SGCD: variants seen among roughly 807,000 people sequenced by gnomAD.
The protein encoded by SGCD is sarcoglycan delta.
In SGCD, 18 loss-of-function variants were observed where a neutral mutation model predicts 36.6. That is an observed-to-expected ratio of 0.49 (90% CI 0.34 to 0.73). SGCD has a LOEUF of 0.73. Among genes scored for constraint, SGCD ranks in the 30% least tolerant of loss-of-function variants. The pLI is 0.01. For synonymous variants in SGCD, 133 were observed against 130.6 expected (o/e 1.02, Z -0.12); for missense variants, 387 against 346.7 (o/e 1.12, Z -0.92).
intron 3 of SGCD, among the ~76,000 whole-genome samples, chr5:156,208,840 C>G (rs1561565952): frequency 1.3e-5 from 2 of 152,170 alleles, no homozygotes; most frequent in Non-Finnish European, 2.9e-5. Flanking sequence ...CATCACTTTG[C>G]ACAACTATCC....
intron 1 of SGCD, among the ~76,000 whole-genome samples, chr5:155,922,750 G>A (rs1284670471): frequency 1.3e-5 from 2 of 152,104 alleles, no homozygotes; most frequent in African/African-American, 4.8e-5. Context: ...GTATTTTGGT[G>A]CAAAAGCTTG....
intron 6 of SGCD, among the ~76,000 whole-genome samples, chr5:156,615,460 C>T (rs1390335571): frequency 2.0e-5 from 3 of 152,036 alleles, no homozygotes; most frequent in African/African-American, 7.3e-5. Flanking sequence ...TATAGAAATT[C>T]AAATATGGTT....
chr5:156,652,333 G>A (rs4704806), intron 7 of SGCD, among the ~76,000 whole-genome samples: 135,437 of 151,146 alleles, frequency 0.9, 60,546 homozygotes, highest in East Asian at 0.99. Context: ...GAAAAAAAAA[G>A]TTAATAGCCA....
chr5:156,607,741 C>T (rs534143420), intron 6 of SGCD, among the ~76,000 whole-genome samples: 2 of 152,084 alleles, frequency 1.3e-5, no homozygotes, highest in African/African-American at 4.8e-5. Context: ...TTGGTCTATT[C>T]AGAGATTCAA....
chr5:156,692,722 A>G (rs988758922), intron 7 of SGCD, among the ~76,000 whole-genome samples: 6 of 152,164 alleles, frequency 3.9e-5, no homozygotes, highest in Non-Finnish European at 7.3e-5. Context: ...TAAATTGCTA[A>G]GTGTTTTTTA....
chr5:155,871,003 A>G (rs2113274671), intron 1 of SGCD, among the ~76,000 whole-genome samples: 1 of 152,278 alleles, frequency 6.6e-6, no homozygotes, highest in African/African-American at 2.4e-5. Flanking sequence ...AGCAGGGAAT[A>G]AAGGTGGGGG....
At chr5:156,274,429 CAT>C (rs1766264195) in intron 3 of SGCD, among the ~76,000 whole-genome samples, 1 of 151,976 alleles carries the variant, frequency 6.6e-6, no homozygotes, top group South Asian at 2.1e-4. Flanking sequence ...GGCCTATGAG[CAT>C]ATTAGCTAAT....
At chr5:156,581,061 G>A (rs1760234179) in intron 4 of SGCD, among the ~76,000 whole-genome samples, 1 of 152,146 alleles carries the variant, frequency 6.6e-6, no homozygotes, top group Non-Finnish European at 1.5e-5. Context: ...GGTCTTTGAT[G>A]TTGGTGACCT....
At chr5:155,853,313 G>A in the SGCD span, among the ~76,000 whole-genome samples, 1 of 151,876 alleles carries the variant, frequency 6.6e-6, no homozygotes, top group Admixed American at 6.6e-5. Context: ...TGGTACAACT[G>A]TGCTATAAGA....
chr5:156,045,647 C>T (rs900921558), intron 1 of SGCD, among the ~76,000 whole-genome samples: 1 of 152,152 alleles, frequency 6.6e-6, no homozygotes, highest in Non-Finnish European at 1.5e-5. Flanking sequence ...GCATCAGTTT[C>T]TGGTGACAGT....
At chr5:156,318,698 T>C (rs529409104) in intron 3 of SGCD, among the ~76,000 whole-genome samples, 182 of 151,816 alleles carry the variant, frequency 1.2e-3, no homozygotes, top group African/African-American at 4.2e-3. Flanking sequence ...CGGGTTCAAG[T>C]GATTCTCCTG....
the SGCD span, among the ~76,000 whole-genome samples, chr5:155,848,814 A>T: frequency 1.3e-5 from 2 of 152,216 alleles, no homozygotes; most frequent in Admixed American, 6.5e-5. Flanking sequence ...CAAAACAAGA[A>T]ACAGAGGGAA....
chr5:155,919,800 C>T (rs1756831867), intron 1 of SGCD, among the ~76,000 whole-genome samples: 1 of 152,240 alleles, frequency 6.6e-6, no homozygotes, highest in South Asian at 2.1e-4. Context: ...GATTCATTTA[C>T]TGATTCAGTG....
At chr5:156,351,982 G>C (rs903807430) in intron 3 of SGCD, among the ~76,000 whole-genome samples, 1 of 152,080 alleles carries the variant, frequency 6.6e-6, no homozygotes, top group Non-Finnish European at 1.5e-5. Flanking sequence ...TAAATGCATT[G>C]GACTAGATGT....
In SGCD at chr5:156,498,818, C is replaced by T. The variant is rs558153210; in HGVS notation, c.193-9783C>T. Among the ~76,000 whole-genome samples the T allele has an allele frequency of 3.3e-5, 5 of 152,150 alleles. 1 individual carries two copies. In the South Asian group the frequency reaches 8.3e-4, roughly 25 times the overall value. ...GAATTGCTGGATCATATGGTAACTC[C>T]GTGTTTAAATTCTTAACAGGCAGGC... On this transcript the variant is annotated intron_variant, in intron 3 of 8. Transcript: ENST00000337851.
chr5:155,888,400 A>G (rs1332656609), intron 1 of SGCD, among the ~76,000 whole-genome samples: 1 of 152,182 alleles, frequency 6.6e-6, no homozygotes, highest in Non-Finnish European at 1.5e-5. Flanking sequence ...TTATTCACCC[A>G]TCACTAGGCT....
intron 1 of SGCD, among the ~76,000 whole-genome samples, chr5:155,878,358 G>A (rs1002822193): frequency 7.3e-5 from 11 of 151,704 alleles, no homozygotes; most frequent in South Asian, 4.1e-4. Flanking sequence ...GTCCTCTTAC[G>A]TGAGCTACCA....
chr5:156,231,572 A>C (rs1765019436), intron 3 of SGCD, among the ~76,000 whole-genome samples: 1 of 152,150 alleles, frequency 6.6e-6, no homozygotes, highest in Non-Finnish European at 1.5e-5. Flanking sequence ...ATAAATAAAA[A>C]GGTGAACAGA....
At chr5:156,252,291 G>A (rs1765602194) in intron 3 of SGCD, among the ~76,000 whole-genome samples, 1 of 151,714 alleles carries the variant, frequency 6.6e-6, no homozygotes, top group African/African-American at 2.4e-5. Context: ...TGGTCAGGGT[G>A]GTCTCGAACT....
Sources: gnomAD v4.1 joint callset for allele counts (sites outside exome capture counted in the v4.1 genomes callset) on GRCh38, gnomAD v4.1.1 for gene constraint, MANE v1.5 for transcripts, NCBI Gene and HGNC (gene_info 2026-07-23, HGNC 2026-07-21) for gene names.